The following XPC variants were observed in gnomAD, a reference collection of about 807,000 sequenced individuals.
The protein encoded by XPC is XPC complex subunit, DNA damage recognition and repair factor.
In XPC, 76 loss-of-function variants were observed where a neutral mutation model predicts 95.8. The ratio of observed to expected loss-of-function variants is 0.79; its 90% CI spans 0.66 to 0.96. XPC has a LOEUF of 0.96. XPC is among the 40% of genes least tolerant of loss of function. The pLI, the probability that XPC is intolerant of heterozygous loss-of-function variation, is 0.00. For missense variants in XPC, 1,146 were observed against 1,179.8 expected, an observed-to-expected ratio of 0.97 and a Z score of 0.42; for synonymous variants, 442 against 442.1, an observed-to-expected ratio of 1.00 and a Z score of 0.00.
In XPC at chr3:14,168,364, C is replaced by G; in HGVS notation, c.429G>C (p.Val143=). 1 of 1,613,840 alleles carries G rather than the reference C, an allele frequency of 6.2e-7. No individual in the cohort carries two copies. Among genetic ancestry groups the G allele is most frequent in the South Asian group, 1.1e-5 (1 of 91,054 alleles). ...CTGTACTTTCTCTCACGTCACCCAG[C>G]ACAGGCTCACTAAGTTCTATCAACA... The part of the protein sequence containing the change: ...WEEVEELSEP[V]LGDVRESTAF... Residue 143 remains valine (V), a synonymous_variant, in exon 4 of 16, where the codon GTG becomes GTC. Coordinates refer to ENST00000285021, the MANE Select transcript of XPC (RefSeq NM_004628.5).
chr3:14,145,421 G>C lies in XPC; in HGVS notation c.*520C>G, dbSNP rs1416071859. 2 of 697,944 alleles carry C rather than the reference G, an allele frequency of 2.9e-6. No homozygotes were observed. The highest frequency in any genetic ancestry group is 5.2e-6 in the Non-Finnish European group (2 of 382,958). 43.2% of individuals were successfully genotyped at this position (697,944 alleles called of 1,614,324 possible). ...CTCTCTCCCCTACTGCAAAGAGGCA[G>C]TGAGGGCAGCATTAGTAAGCCTGAC... is the stretch of plus-strand genomic sequence containing the variant. On this transcript the variant is annotated 3_prime_UTR_variant, in exon 16 of 16. Coordinates refer to ENST00000285021, the MANE Select transcript of XPC (RefSeq NM_004628.5).
rs531085356 is a variant in XPC, at chr3:14,148,834, G to T, written c.2230C>A (p.Pro744Thr). 6.2e-7 allele frequency: 1 copy of T among 1,613,990 alleles called. No individual in the cohort carries two copies. The highest frequency in any genetic ancestry group is 1.1e-5 in the South Asian group (1 of 91,082). The change falls in exon 12 of 16, where the codon CCA becomes ACA. Residue 744 changes from proline (P) to threonine (T), a missense_variant. Coordinates refer to ENST00000285021, the MANE Select transcript of XPC (RefSeq NM_004628.5). ...CTTACCTTCCCGTCCACGGCCACTG[G>T]GGGCTGATACTCCTCTGTCTGCCAG... ...GYWQTEEYQPPVAVDGKVPRN... is the reference protein window; with the variant it reads ...GYWQTEEYQPTVAVDGKVPRN...
chr3:14,167,953 T>C (rs1186668334), intron 4 of XPC, among the ~76,000 whole-genome samples: 1 of 152,208 alleles, frequency 6.6e-6, no homozygotes, highest in Non-Finnish European at 1.5e-5. Flanking sequence ...GAAACGTTAC[T>C]TAGCGTCTGA....
In XPC at chr3:14,158,504, G is replaced by T; in HGVS notation, c.1379C>A (p.Ser460Tyr). The change falls in exon 9 of 16, where the codon TCC becomes TAC. Residue 460 changes from serine (S) to tyrosine (Y), a missense_variant. Physicochemically the swap from Ser to Tyr is moderately radical, Grantham distance 144. Coordinates refer to ENST00000285021, the MANE Select transcript of XPC (RefSeq NM_004628.5). The surrounding 1 kb of genome is among the most constrained non-coding windows in gnomAD (Gnocchi z 5.2). ...GEASDPSDED[S>Y]EPGPPKQRKA... ...CCTCTGCTTTGGAGGGCCAGGTTCG[G>T]AATCCTCATCAGAGGGATCAGAGGC... is the stretch of plus-strand genomic sequence containing the variant. 6.2e-7 allele frequency: 1 copy of T among 1,612,098 alleles called. No homozygotes were observed. Among genetic ancestry groups the T allele is most frequent in the Non-Finnish European group, 8.5e-7 (1 of 1,178,786 alleles).
intron 11 of XPC, among the ~76,000 whole-genome samples, chr3:14,150,785 A>C (rs764849720): frequency 3.3e-5 from 5 of 152,232 alleles, no homozygotes; most frequent in African/African-American, 1.2e-4. Context: ...GCAGAGGCTT[A>C]AAGGGGCAAG....
At chr3:14,174,703 TAAAGAA>T (rs1390933586) in intron 1 of XPC, among the ~76,000 whole-genome samples, 1 of 152,156 alleles carries the variant, frequency 6.6e-6, no homozygotes, top group Non-Finnish European at 1.5e-5. Context: ...TCCTTTAAGA[TAAAGAA>T]AAACGATATA....
intron 7 of XPC, among the ~76,000 whole-genome samples, chr3:14,160,803 C>T (rs1696139064): frequency 6.6e-6 from 1 of 152,216 alleles, no homozygotes; most frequent in Admixed American, 6.5e-5. Flanking sequence ...TACAGCATGG[C>T]ACAGGAGCAC....
intron 7 of XPC, among the ~76,000 whole-genome samples, chr3:14,163,318 ACT>A (rs1442705094): frequency 6.6e-6 from 1 of 152,120 alleles, no homozygotes. Flanking sequence ...TATTAACAAC[ACT>A]CTTCACAACA....
At position 14,148,339 on chromosome 3, in the gene XPC, C is replaced by T. The variant is rs571847244; in HGVS notation, c.2420+223G>A. 8.6e-4 allele frequency: 567 copies of T among 658,952 alleles called. 4 individuals are homozygous for T. Among genetic ancestry groups the T allele is most frequent in the South Asian group, 4.7e-3 (221 of 46,622 alleles). 40.8% of individuals were successfully genotyped at this position (658,952 alleles called of 1,614,324 possible). A position where few individuals can be genotyped will look rare whatever the true frequency, so the allele number is the denominator to read the frequency against. ...TGTGAGTCCCTAAACCTGGGAAGAA[C>T]GTTTTAATCCAGCATTACGATGCCA... On this transcript the variant is annotated intron_variant, in intron 13 of 15. Coordinates refer to ENST00000285021, the MANE Select transcript of XPC (RefSeq NM_004628.5).
chr3:14,148,535 A>C, intron 13 of XPC, 27 bp downstream of exon 13: 4 of 1,612,192 alleles, frequency 2.5e-6, no homozygotes, highest in Non-Finnish European at 3.4e-6. Flanking sequence ...CCCTGTGTTT[A>C]GCCTCCATCG....
intron 11 of XPC, chr3:14,149,378 C>T: frequency 5.9e-6 from 1 of 170,080 alleles, no homozygotes. Flanking sequence ...AGCCACCGTG[C>T]CCGGCTGCTC....
At chr3:14,171,919 T>C (rs1696631171) in intron 2 of XPC, among the ~76,000 whole-genome samples, 1 of 152,044 alleles carries the variant, frequency 6.6e-6, no homozygotes. Context: ...CATCATGCTG[T>C]CCCGTGTCCC....
rs754673606 is a variant in XPC at position 14,148,732 on chromosome 3, C to T, written c.2251-1G>A. On this transcript the variant is annotated splice_acceptor_variant, in intron 12 of 15. Transcript: ENST00000285021. LOFTEE classifies it high-confidence loss of function. ...CATTCCCAAACTCGTTCCGGGGCAC[C>T]TGTGTCGGGTGAGCAAGTCAGCATT... 1 of 1,613,998 alleles carries T rather than the reference C, an allele frequency of 6.2e-7. No homozygotes were observed. Among genetic ancestry groups the T allele is most frequent in the Non-Finnish European group, 8.5e-7 (1 of 1,179,866 alleles).
At chr3:14,172,047 C>A (rs1350638498) in intron 2 of XPC, among the ~76,000 whole-genome samples, 1 of 152,144 alleles carries the variant, frequency 6.6e-6, no homozygotes, top group African/African-American at 2.4e-5. Flanking sequence ...CTCTGTTCTT[C>A]CTCTTCTCCC....
chr3:14,152,650 C>T, intron 10 of XPC: 1 of 468,938 alleles, frequency 2.1e-6, no homozygotes, highest in Non-Finnish European at 3.8e-6. Context: ...GCCTTTGTGC[C>T]TTGCCTCCAC....
chr3:14,172,976 C>G lies in XPC; in HGVS notation c.190G>C (p.Gly64Arg). Residue 64 changes from glycine to arginine, a missense_variant, in exon 2 of 16, where the codon GGG becomes CGG. Coordinates refer to ENST00000285021, the MANE Select transcript of XPC (RefSeq NM_004628.5). ...TTTGCTGGACCATCTGCTGAACCCC[C>G]AGGATGACTGCAGCCTCTTTTCCTC... ...GKRKRGCSHPGGSADGPAKKK... is the reference protein window; with the variant it reads ...GKRKRGCSHPRGSADGPAKKK... 6.2e-7 allele frequency: 1 copy of G among 1,613,878 alleles called. No homozygotes were observed. The highest frequency in any genetic ancestry group is 8.5e-7 in the Non-Finnish European group (1 of 1,179,822).
In XPC at chr3:14,145,380, G is replaced by A. The variant is rs943964630; in HGVS notation, c.*561C>T. On this transcript the variant is annotated 3_prime_UTR_variant, in exon 16 of 16. Coordinates refer to ENST00000285021, the MANE Select transcript of XPC (RefSeq NM_004628.5). ...CTTGGAAAACTAGATCCCAGCAGATGACCTGTACTTCTCTGCTCTCTCCCC... is the reference window on the plus strand; with the variant it reads ...CTTGGAAAACTAGATCCCAGCAGATAACCTGTACTTCTCTGCTCTCTCCCC... 2.3e-5 allele frequency: 16 copies of A among 699,844 alleles called. No individual in the cohort carries two copies. The Admixed American group carries it at 3.2e-4, about 14-fold the overall frequency. The allele number at this position is 699,844 out of a possible 1,614,324, so 43.4% of individuals were successfully genotyped here. A position where few individuals can be genotyped will look rare whatever the true frequency, so the allele number is the denominator to read the frequency against.
rs41546312 is a variant in XPC, at chr3:14,152,687, C to T, written c.2034-271G>A. ...ACTCCTCCCCTTCATAGGTTTTCTTCTCCTCTGCTGTCCAGAGCCTGTGAG... is the reference window on the plus strand; with the variant it reads ...ACTCCTCCCCTTCATAGGTTTTCTTTTCCTCTGCTGTCCAGAGCCTGTGAG... On this transcript the variant is annotated intron_variant, in intron 10 of 15. Transcript: ENST00000285021. 1,131 of 393,584 alleles carry T rather than the reference C, an allele frequency of 2.9e-3. 4 individuals are homozygous for T. Among genetic ancestry groups the T allele is most frequent in the Admixed American group, 5.5e-3 (117 of 21,240 alleles). 24.4% of individuals were successfully genotyped at this position (393,584 alleles called of 1,614,324 possible). A position where few individuals can be genotyped will look rare whatever the true frequency, so the allele number is the denominator to read the frequency against.
intron 10 of XPC, among the ~76,000 whole-genome samples, chr3:14,155,739 T>C (rs1322029861): frequency 6.6e-6 from 1 of 152,156 alleles, no homozygotes. Flanking sequence ...TTTGTATTTT[T>C]AGTAGAGACA....
Sources: allele counts gnomAD v4.1 joint callset (sites outside exome capture counted in the v4.1 genomes callset), GRCh38; gene constraint gnomAD v4.1.1; non-coding constraint Gnocchi (gnomAD v3.1); transcripts MANE v1.5; gene names NCBI Gene and HGNC (gene_info 2026-07-23, HGNC 2026-07-21).